The following DPP10 variants were observed in gnomAD, a reference collection of about 807,000 sequenced individuals.
DPP10 encodes the protein dipeptidyl peptidase like 10, also known as inactive dipeptidyl peptidase 10.
DPP10 carries 33 observed loss-of-function variants against 120.9 expected under a neutral mutation model. That is an observed-to-expected ratio of 0.27 (90% CI 0.21 to 0.37). The LOEUF is 0.37. DPP10 is among the 10% of genes least tolerant of loss of function. The pLI is 1.00. For synonymous variants in DPP10, 337 were observed against 326.1 expected, an observed-to-expected ratio of 1.03 and a Z score of -0.36; for missense variants, 816 against 942.8, an observed-to-expected ratio of 0.87 and a Z score of 1.76.
At chr2:114,781,968 T>A (rs1428286190) in intron 1 of DPP10, among the ~76,000 whole-genome samples, 1 of 152,106 alleles carries the variant, frequency 6.6e-6, no homozygotes, top group Non-Finnish European at 1.5e-5. Flanking sequence ...TTAAATTGTG[T>A]ATGATATTTT....
chr2:115,500,280 C>A (rs948699896), intron 4 of DPP10, among the ~76,000 whole-genome samples: 1 of 151,600 alleles, frequency 6.6e-6, no homozygotes, highest in Non-Finnish European at 1.5e-5. Context: ...CCAACACCAA[C>A]GAAAAATAGT....
chr2:115,634,120 G>GT (rs993223903), intron 5 of DPP10, among the ~76,000 whole-genome samples: 1 of 151,968 alleles, frequency 6.6e-6, no homozygotes, highest in Non-Finnish European at 1.5e-5. Context: ...ATTGTGTTGT[G>GT]TTTTTCAGCT....
intron 3 of DPP10, among the ~76,000 whole-genome samples, chr2:115,416,927 G>A (rs1337047267): frequency 1.3e-5 from 2 of 152,168 alleles, no homozygotes; most frequent in Non-Finnish European, 2.9e-5. Flanking sequence ...AAGGGACAGT[G>A]CCAGAAGCGA....
chr2:115,550,573 G>A (rs1402327730), intron 5 of DPP10, among the ~76,000 whole-genome samples: 1 of 151,998 alleles, frequency 6.6e-6, no homozygotes, highest in East Asian at 1.9e-4. Context: ...ACTGACCCTC[G>A]TTCTTAGTTT....
intron 1 of DPP10, among the ~76,000 whole-genome samples, chr2:115,158,032 G>A (rs2052039382): frequency 6.6e-6 from 1 of 152,196 alleles, no homozygotes; most frequent in Non-Finnish European, 1.5e-5. Context: ...TCTCTAAAGG[G>A]TATCCTACTT....
chr2:115,792,143 G>A (rs947341434), intron 19 of DPP10, among the ~76,000 whole-genome samples: 2 of 152,038 alleles, frequency 1.3e-5, no homozygotes, highest in Non-Finnish European at 1.5e-5. Context: ...CGGATTTCCT[G>A]GGTTCATATT....
At chr2:115,372,698 G>A (rs2065496803) in intron 3 of DPP10, among the ~76,000 whole-genome samples, 1 of 152,142 alleles carries the variant, frequency 6.6e-6, no homozygotes, top group Admixed American at 6.6e-5. Context: ...TTGCTGACCA[G>A]CTCCTGGAGT....
At chr2:115,173,123 T>C (rs1295714924) in intron 1 of DPP10, among the ~76,000 whole-genome samples, 3 of 152,218 alleles carry the variant, frequency 2.0e-5, no homozygotes, top group Non-Finnish European at 4.4e-5. Flanking sequence ...CATGGTTAAA[T>C]TCCGTCTCAT....
chr2:114,583,968 A>T (rs1690741758), intron 1 of DPP10, among the ~76,000 whole-genome samples: 1 of 152,128 alleles, frequency 6.6e-6, no homozygotes, highest in African/African-American at 2.4e-5. Flanking sequence ...GTCCTTCTGG[A>T]GTGAACACAC....
intron 13 of DPP10, among the ~76,000 whole-genome samples, chr2:115,773,077 C>A (rs1284376112): frequency 3.9e-5 from 6 of 152,048 alleles, no homozygotes; most frequent in Non-Finnish European, 5.9e-5. Context: ...CCTAATCAAC[C>A]CAGTAAAATT....
At chr2:114,823,675 G>T (rs1211052358) in intron 1 of DPP10, among the ~76,000 whole-genome samples, 1 of 152,128 alleles carries the variant, frequency 6.6e-6, no homozygotes, top group African/African-American at 2.4e-5. Flanking sequence ...TAACACTTCT[G>T]CTCAGAGCAT....
intron 1 of DPP10, among the ~76,000 whole-genome samples, chr2:114,543,391 A>G (rs1354900134): frequency 1.3e-5 from 2 of 152,210 alleles, no homozygotes; most frequent in African/African-American, 4.8e-5. Context: ...AAAGCTAAAG[A>G]AAAAGTAGGA....
chr2:115,802,345 C>T (rs1171422649), intron 19 of DPP10, among the ~76,000 whole-genome samples: 2 of 152,026 alleles, frequency 1.3e-5, no homozygotes, highest in African/African-American at 2.4e-5. Flanking sequence ...GTCTTCCTAG[C>T]GGTCTATCAA....
At chr2:114,690,385 A>G (rs915328477) in intron 1 of DPP10, among the ~76,000 whole-genome samples, 1 of 151,896 alleles carries the variant, frequency 6.6e-6, no homozygotes. Context: ...CAAATATCAG[A>G]TGGGTGTAGG....
intron 1 of DPP10, among the ~76,000 whole-genome samples, chr2:115,271,031 A>G (rs1294624127): frequency 2.0e-5 from 3 of 152,230 alleles, no homozygotes; most frequent in Admixed American, 6.5e-5. Context: ...AACTAGTTCA[A>G]CCTACTGAAA....
chr2:115,523,647 C>T (rs1053600452), intron 4 of DPP10, among the ~76,000 whole-genome samples: 7 of 152,116 alleles, frequency 4.6e-5, no homozygotes, highest in African/African-American at 1.7e-4. Flanking sequence ...AATACACCTC[C>T]TGATACTATA....
At chr2:115,767,665 A>G (rs1294555755) in intron 12 of DPP10, among the ~76,000 whole-genome samples, 1 of 152,052 alleles carries the variant, frequency 6.6e-6, no homozygotes, top group Non-Finnish European at 1.5e-5. Context: ...GTAATTAAAA[A>G]TTATCAAATG....
In DPP10 at chr2:115,415,838, C is replaced by CTT. The variant is rs199934358; in HGVS notation, c.271+71929_271+71930dup. On this transcript the variant is annotated intron_variant, in intron 3 of 25. Coordinates refer to ENST00000410059, the MANE Select transcript of DPP10 (RefSeq NM_020868.6). ...TAGATCTGTCTTTATACCTGATTTG[C>CTT]TTTTATATATATATATATATATATA... is the stretch of plus-strand genomic sequence containing the variant. Among the ~76,000 whole-genome samples, 5 of 44,336 alleles carry CTT rather than the reference C, an allele frequency of 1.1e-4. No homozygotes were observed. In the East Asian group the frequency reaches 3.6e-3, roughly 32 times the overall value. The allele number at this position is 44,336 out of a possible 152,430, so 29.1% of individuals were successfully genotyped here.
At chr2:115,010,742 T>C (rs28707365) in intron 1 of DPP10, among the ~76,000 whole-genome samples, 20,369 of 152,158 alleles carry the variant, frequency 0.13, 1,545 homozygotes, top group East Asian at 0.16. Context: ...TCTATTAATA[T>C]AGGTTTAGTG....
Sources: allele counts gnomAD v4.1 joint callset (sites outside exome capture counted in the v4.1 genomes callset), GRCh38; gene constraint gnomAD v4.1.1; transcripts MANE v1.5; gene names NCBI Gene and HGNC (gene_info 2026-07-23, HGNC 2026-07-21).